Variants in STAU2 observed in about 807,000 individuals in gnomAD.
The protein encoded by STAU2 is double-stranded RNA-binding protein Staufen homolog 2.
In STAU2, 20 loss-of-function variants were observed where a neutral mutation model predicts 65.9. The ratio of observed to expected loss-of-function variants is 0.30; its 90% CI spans 0.21 to 0.44. STAU2 has a LOEUF of 0.44. Among genes scored for constraint, STAU2 ranks in the 20% least tolerant of loss-of-function variants. The pLI is 1.00. For missense variants in STAU2, 558 were observed against 683.9 expected (o/e 0.82, Z 2.05); for synonymous variants, 232 against 233.9 (o/e 0.99, Z 0.07).
chr8:73,547,804 T>G (rs1402283936), intron 13 of STAU2, among the ~76,000 whole-genome samples: 1 of 152,038 alleles, frequency 6.6e-6, no homozygotes, highest in Admixed American at 6.5e-5. Flanking sequence ...GGCAACACAG[T>G]AAGTTATGTT....
intron 13 of STAU2, among the ~76,000 whole-genome samples, chr8:73,429,435 TTTTTTTTTTTTTTTTG>T (rs1817093791): frequency 1.0e-5 from 1 of 95,816 alleles, no homozygotes; most frequent in Non-Finnish European, 1.9e-5. Flanking sequence ...TTTTTTTTTT[TTTTTTTTTTTTTTTTG>T]AGGCAAAGTC....
At position 73,530,407 on chromosome 8, in the gene STAU2, G is replaced by A. The variant is rs11785094; in HGVS notation, c.1530+21605C>T. Among the ~76,000 whole-genome samples the A allele has an allele frequency of 6.3e-3, 966 of 152,222 alleles. 7 individuals are homozygous for A. Among genetic ancestry groups the A allele is most frequent in the Middle Eastern group, 0.01 (3 of 294 alleles). ...TCAGTACAACTGGTCCAATCACAAA[G>A]AACACACAAAGGAACAAAGGATGGG... On this transcript the variant is annotated intron_variant, in intron 13 of 14. Transcript: ENST00000524300.
intron 6 of STAU2, among the ~76,000 whole-genome samples, chr8:73,671,922 G>A (rs1300336695): frequency 6.6e-6 from 1 of 152,012 alleles, no homozygotes; most frequent in Non-Finnish European, 1.5e-5. Flanking sequence ...CTACTCAGGA[G>A]GCTGACACAC....
chr8:73,476,727 T>C (rs533405405), intron 13 of STAU2, among the ~76,000 whole-genome samples: 42 of 152,300 alleles, frequency 2.8e-4, no homozygotes, highest in African/African-American at 8.9e-4. Context: ...GGCCCTCAGA[T>C]CACTGGGGGG....
Position 73,613,777 on chromosome 8 carries a change from T to C in STAU2, c.858A>G (p.Leu286=), listed in dbSNP as rs775259154. 8 of 1,612,310 alleles carry C rather than the reference T, an allele frequency of 5.0e-6. No homozygotes were observed. The African/African-American group carries it at 5.3e-5, about 11-fold the overall frequency. ...PPLPVVEKPK[L]FFKKRPKTIV... is the part of the protein sequence containing the mutation. ...TTGTTTTAGGGCGTTTTTTAAAAAA[T>C]AGTTTTGGCTTTTCCACCACAGGAA... The change falls in exon 9 of 15, where the codon CTA becomes CTG. Residue 286 remains leucine (L), a synonymous_variant. Coordinates refer to ENST00000524300, the MANE Select transcript of STAU2 (RefSeq NM_001164380.2).
At chr8:73,485,973 TG>T (rs1820890015) in intron 13 of STAU2, among the ~76,000 whole-genome samples, 1 of 152,122 alleles carries the variant, frequency 6.6e-6, no homozygotes, top group Non-Finnish European at 1.5e-5. Context: ...AAGGACTGTG[TG>T]GGGGTCCAGT....
At position 73,676,886 on chromosome 8, in the gene STAU2, G is replaced by A. The variant is rs117379560; in HGVS notation, c.275-3644C>T. On this transcript the variant is annotated intron_variant, in intron 5 of 14. Coordinates refer to ENST00000524300, the MANE Select transcript of STAU2 (RefSeq NM_001164380.2). ...GCTGGGATTACAGGTGTGAGCTACCGTACCTGGTCTCATTGAAAAGAATTT... is the reference window on the plus strand; with the variant it reads ...GCTGGGATTACAGGTGTGAGCTACCATACCTGGTCTCATTGAAAAGAATTT... Among the ~76,000 whole-genome samples, 22 of 152,288 alleles carry A rather than the reference G, an allele frequency of 1.4e-4. No individual in the cohort carries two copies. In the East Asian group the frequency reaches 3.5e-3, roughly 24 times the overall value.
At position 73,596,194 on chromosome 8, in the gene STAU2, A is replaced by G. The variant is rs577489478; in HGVS notation, c.1030-897T>C. On this transcript the variant is annotated intron_variant, in intron 10 of 14. Coordinates refer to ENST00000524300, the MANE Select transcript of STAU2 (RefSeq NM_001164380.2). Reference sequence around the variant, plus strand: ...ATTTCCTAGCTGTACGAACTGGTACAAATTATTTAATATCTCTAAGCCTCA... The same window carrying G: ...ATTTCCTAGCTGTACGAACTGGTACGAATTATTTAATATCTCTAAGCCTCA... 5.9e-5 allele frequency among the ~76,000 whole-genome samples: 9 copies of G among 152,246 alleles called. No individual in the cohort carries two copies. The South Asian group carries it at 1.9e-3, about 32-fold the overall frequency.
intron 4 of STAU2, among the ~76,000 whole-genome samples, chr8:73,692,441 C>T (rs1231885987): frequency 6.6e-6 from 1 of 152,142 alleles, no homozygotes; most frequent in Non-Finnish European, 1.5e-5. Context: ...CGTGATCCAC[C>T]CACCTCAGCC....
intron 13 of STAU2, among the ~76,000 whole-genome samples, chr8:73,465,365 C>T (rs773398806): frequency 7.2e-5 from 11 of 152,150 alleles, no homozygotes; most frequent in Non-Finnish European, 1.5e-4. Flanking sequence ...TAGAATATAG[C>T]CCATTGTCCT....
At chr8:73,700,956 G>T (rs1296323645) in intron 4 of STAU2, among the ~76,000 whole-genome samples, 1 of 152,000 alleles carries the variant, frequency 6.6e-6, no homozygotes, top group Non-Finnish European at 1.5e-5. Context: ...AGAGAATCCA[G>T]AAACAAATCC....
chr8:73,453,822 T>C (rs181061520), intron 13 of STAU2, among the ~76,000 whole-genome samples: 19 of 152,200 alleles, frequency 1.2e-4, no homozygotes, highest in Admixed American at 1.0e-3. Context: ...ATCAGGCATG[T>C]ATCTGTTTTG....
At chr8:73,710,892 C>T (rs540677068) in intron 3 of STAU2, among the ~76,000 whole-genome samples, 32 of 151,976 alleles carry the variant, frequency 2.1e-4, no homozygotes, top group Middle Eastern at 3.4e-3. Context: ...CATCTACAAA[C>T]TTCCTAGGCC....
At chr8:73,532,723 A>C (rs1367808580) in intron 13 of STAU2, among the ~76,000 whole-genome samples, 1 of 152,206 alleles carries the variant, frequency 6.6e-6, no homozygotes, top group Non-Finnish European at 1.5e-5. Flanking sequence ...GTCACCTATG[A>C]GGCTTCATCT....
At chr8:73,707,077 A>C (rs1484050935) in intron 4 of STAU2, among the ~76,000 whole-genome samples, 2 of 152,222 alleles carry the variant, frequency 1.3e-5, no homozygotes, top group African/African-American at 4.8e-5. Flanking sequence ...AAGGCAGAAG[A>C]AGCAAAACTG....
At chr8:73,662,592 A>AG (rs1816909370) in intron 6 of STAU2, among the ~76,000 whole-genome samples, 1 of 126,536 alleles carries the variant, frequency 7.9e-6, no homozygotes, top group African/African-American at 3.4e-5. Flanking sequence ...GTCAAGGTTC[A>AG]GGGGTTTTTG....
chr8:73,556,671 C>T (rs1245490236), intron 12 of STAU2, among the ~76,000 whole-genome samples: 8 of 152,196 alleles, frequency 5.3e-5, no homozygotes, highest in East Asian at 1.9e-4. Flanking sequence ...GCAGGAGAAT[C>T]GCTTGAACCC....
At chr8:73,458,652 C>T (rs1309562856) in intron 13 of STAU2, 1 of 152,140 alleles carries the variant, frequency 6.6e-6, no homozygotes, top group East Asian at 1.9e-4. Flanking sequence ...TATTCTGAAC[C>T]CATTCAAAGA....
At chr8:73,734,707 T>C (rs1806308091) in intron 3 of STAU2, among the ~76,000 whole-genome samples, 1 of 152,012 alleles carries the variant, frequency 6.6e-6, no homozygotes. Flanking sequence ...AACAGAAGAA[T>C]TGCTTGAATT....
Sources: gnomAD v4.1 joint callset for allele counts (sites outside exome capture counted in the v4.1 genomes callset) on GRCh38, gnomAD v4.1.1 for gene constraint, MANE v1.5 for transcripts, NCBI Gene and HGNC (gene_info 2026-07-23, HGNC 2026-07-21) for gene names.